Variants in ZNF195 observed in about 807,000 individuals in gnomAD.
The protein encoded by ZNF195 is hypoxia-regulated factor-1.
In ZNF195, 11 loss-of-function variants were observed where a neutral mutation model predicts 19.5. The ratio of observed to expected loss-of-function variants is 0.57; its 90% CI spans 0.36 to 0.94. The LOEUF (loss-of-function observed/expected upper bound fraction) is 0.94, where lower values mean the gene tolerates loss of function less well. Among genes scored for constraint, ZNF195 ranks in the 40% least tolerant of loss-of-function variants. The probability of loss-of-function intolerance (pLI) is 0.01; values close to 1 mark genes in which losing one functional copy is unlikely to be tolerated. For missense variants in ZNF195, 582 were observed against 709.0 expected, an observed-to-expected ratio of 0.82 and a Z score of 2.03; for synonymous variants, 214 against 248.1, an observed-to-expected ratio of 0.86 and a Z score of 1.29.
chr11:3,371,708 A>G lies in ZNF195; in HGVS notation c.4-5T>C. Reference sequence around the variant, plus strand: ...ATCCCTGAACGTCAACAGAGTCTGAAGAAGAAACAACAACAATAACAAATA... The same window carrying G: ...ATCCCTGAACGTCAACAGAGTCTGAGGAAGAAACAACAACAATAACAAATA... On this transcript the variant is annotated splice_polypyrimidine_tract_variant and splice_region_variant and intron_variant, in intron 1 of 5. Coordinates refer to ENST00000399602, the MANE Select transcript of ZNF195 (RefSeq NM_001130520.3). 1 of 1,591,044 alleles carries G rather than the reference A, an allele frequency of 6.3e-7. No individual in the cohort carries two copies. The highest frequency in any genetic ancestry group is 1.4e-5 in the African/African-American group (1 of 73,866).
At chr11:3,372,876 C>T (rs1849286143) in intron 1 of ZNF195, among the ~76,000 whole-genome samples, 1 of 152,228 alleles carries the variant, frequency 6.6e-6, no homozygotes, top group African/African-American at 2.4e-5. Flanking sequence ...GAACTACCCA[C>T]ATGTGCCACC....
chr11:3,379,115 G>T lies in ZNF195; in HGVS notation c.-75C>A, dbSNP rs950702767. The T allele has an allele frequency of 5.6e-6, 8 of 1,430,934 alleles. No homozygotes were observed. The African/African-American group carries it at 1.0e-4, about 18-fold the overall frequency. 88.6% of individuals were successfully genotyped at this position (1,430,934 alleles called of 1,614,324 possible). On this transcript the variant is annotated 5_prime_UTR_variant, in exon 1 of 6. Transcript: ENST00000399602. ...CTGCGGGTCACACGACCTACGGCTA[G>T]CAGGGGACACAGAGCCGCGGGGACA... is the stretch of plus-strand genomic sequence containing the variant.
At chr11:3,374,005 C>T (rs1003008374) in intron 1 of ZNF195, among the ~76,000 whole-genome samples, 5 of 152,214 alleles carry the variant, frequency 3.3e-5, no homozygotes, top group African/African-American at 1.2e-4. Flanking sequence ...CCCCCCATCA[C>T]TGATTCTGGC....
chr11:3,365,731 A>G (rs998856082), intron 3 of ZNF195, among the ~76,000 whole-genome samples: 1 of 152,212 alleles, frequency 6.6e-6, no homozygotes, highest in Non-Finnish European at 1.5e-5. Context: ...CTACGAAAAT[A>G]AAAACAATGT....
At chr11:3,368,830 C>T (rs1187656133) in intron 3 of ZNF195, 2 of 455,690 alleles carry the variant, frequency 4.4e-6, no homozygotes, top group Admixed American at 2.4e-5. Context: ...ACAATACAGA[C>T]AGTATAGTCT....
intron 3 of ZNF195, among the ~76,000 whole-genome samples, chr11:3,368,230 T>C (rs1002566562): frequency 3.9e-5 from 6 of 152,204 alleles, no homozygotes; most frequent in African/African-American, 1.2e-4. Context: ...GACAGTGACA[T>C]AGAAAAATGG....
Position 3,375,849 on chromosome 11 carries a change from G to A in ZNF195, c.3+3189C>T, listed in dbSNP as rs112445022. Among the ~76,000 whole-genome samples the A allele has an allele frequency of 4.6e-3, 693 of 152,228 alleles. 4 individuals are homozygous for A. Among genetic ancestry groups the A allele is most frequent in the African/African-American group, 0.016 (655 of 41,518 alleles). Reference sequence around the variant, plus strand: ...TCTACAACAGAAGCACAGATAGACCGTTTTGTCAGCCTGAGCCCCGTCTGC... The same window carrying A: ...TCTACAACAGAAGCACAGATAGACCATTTTGTCAGCCTGAGCCCCGTCTGC... On this transcript the variant is annotated intron_variant, in intron 1 of 5. Coordinates refer to ENST00000399602, the MANE Select transcript of ZNF195 (RefSeq NM_001130520.3).
Position 3,360,544 on chromosome 11 carries a change from T to C in ZNF195, c.464A>G (p.Gln155Arg), listed in dbSNP as rs761815959. ...TATGCCCTGCTCTGGCAGAAGGTCT[T>C]GGGTAAAATGAGAAGACATAGCTGA... Reference protein sequence around the residue: ...FSLAMSSHFTQDLLPEQGIQD... With the variant: ...FSLAMSSHFTRDLLPEQGIQD... The change falls in exon 6 of 6, where the codon CAA becomes CGA. Residue 155 changes from glutamine (Q) to arginine (R), a missense_variant. By Grantham distance (43) the Gln-to-Arg change is conservative. Transcript: ENST00000399602. 2.5e-6 allele frequency: 4 copies of C among 1,577,448 alleles called. No individual in the cohort carries two copies. Among genetic ancestry groups the C allele is most frequent in the Non-Finnish European group, 3.4e-6 (4 of 1,169,070 alleles).
At chr11:3,365,626 T>C (rs902359797) in intron 3 of ZNF195, among the ~76,000 whole-genome samples, 3 of 152,238 alleles carry the variant, frequency 2.0e-5, no homozygotes, top group African/African-American at 7.2e-5. Flanking sequence ...TTTGATTTTT[T>C]AATGCTAAAA....
At position 3,358,456 on chromosome 11, in the gene ZNF195, C is replaced by G. The variant is rs1848480083; in HGVS notation, c.*662G>C. 1 of 152,226 alleles carries G rather than the reference C, an allele frequency of 6.6e-6. No homozygotes were observed. The highest frequency in any genetic ancestry group is 1.5e-5 in the Non-Finnish European group (1 of 68,036). The allele number at this position is 152,226 out of a possible 1,614,324, so 9.4% of individuals were successfully genotyped here. A position where few individuals can be genotyped will look rare whatever the true frequency, so the allele number is the denominator to read the frequency against. ...TTTCACCTTTCACGGACAAGTATAT[C>G]AGTGATGCACACCTAAGAGAAAAGA... is the stretch of plus-strand genomic sequence containing the variant. On this transcript the variant is annotated 3_prime_UTR_variant, in exon 6 of 6. Coordinates refer to ENST00000399602, the MANE Select transcript of ZNF195 (RefSeq NM_001130520.3).
chr11:3,368,419 G>A (rs1161230473), intron 3 of ZNF195, among the ~76,000 whole-genome samples: 1 of 152,198 alleles, frequency 6.6e-6, no homozygotes, highest in Admixed American at 6.5e-5. Flanking sequence ...ACCAGCCTGG[G>A]TGACACAGAG....
In ZNF195 at chr11:3,361,732, T is replaced by G; in HGVS notation, c.373+11A>C. On this transcript the variant is annotated intron_variant, in intron 4 of 5. Coordinates refer to ENST00000399602, the MANE Select transcript of ZNF195 (RefSeq NM_001130520.3). The stretch of plus-strand genomic sequence containing the variant: ...AAGTGAAAAGCAAGGTACATGCTCT[T>G]AGGAGATTACCAGTGAATTTGTCCA... 1 of 1,302,156 alleles carries G rather than the reference T, an allele frequency of 7.7e-7. No individual in the cohort carries two copies. The highest frequency in any genetic ancestry group is 1.0e-6 in the Non-Finnish European group (1 of 987,900). The allele number at this position is 1,302,156 out of a possible 1,614,324, so 80.7% of individuals were successfully genotyped here. A position where few individuals can be genotyped will look rare whatever the true frequency, so the allele number is the denominator to read the frequency against.
chr11:3,369,740 A>G (rs185174428), intron 3 of ZNF195, among the ~76,000 whole-genome samples: 14 of 152,336 alleles, frequency 9.2e-5, no homozygotes, highest in Non-Finnish European at 7.3e-5. Flanking sequence ...AGTTGGGGAA[A>G]ATGAGCTGTT....
Position 3,360,490 on chromosome 11 carries a change from C to G in ZNF195, c.518G>C (p.Arg173Thr). 6.2e-7 allele frequency: 1 copy of G among 1,607,998 alleles called. No homozygotes were observed. The highest frequency in any genetic ancestry group is 1.1e-5 in the South Asian group (1 of 90,538). Residue 173 changes from arginine (R) to threonine (T), a missense_variant, in exon 6 of 6, where the codon AGA (arginine) becomes ACA (threonine). Physicochemically the swap from Arg to Thr is moderately conservative, Grantham distance 71. Coordinates refer to ENST00000399602, the MANE Select transcript of ZNF195 (RefSeq NM_001130520.3). ...IQDAFPKRIL[R>T]GYGNCGLDNL... is the part of the protein sequence containing the mutation. The stretch of plus-strand genomic sequence containing the variant: ...ATCAAGGCCACAATTTCCATATCCT[C>G]TCAGTATTCTTTTTGGGAATGCATC...
At chr11:3,362,666 A>T in intron 3 of ZNF195, 1 of 471,606 alleles carries the variant, frequency 2.1e-6, no homozygotes, top group East Asian at 3.1e-5. Flanking sequence ...TACAAGACAC[A>T]AAAAGGAAAG....
intron 3 of ZNF195, chr11:3,366,916 T>G: frequency 2.2e-6 from 1 of 454,038 alleles, no homozygotes; most frequent in South Asian, 1.6e-5. Context: ...AACACAAAAG[T>G]TAGCTGGGTG....
chr11:3,360,132 G>A lies in ZNF195; in HGVS notation c.876C>T (p.Asn292=). ...TGTAAGGTTTCTCTCCAGTGTCAAT[G>A]TTCTCAGGTTCAGTAAAGTGTGAGC... ...IQCSHFTEPE[N]IDTGEKPYKC... Residue 292 remains asparagine (N), a synonymous_variant, in exon 6 of 6, where the codon AAC becomes AAT. Coordinates refer to ENST00000399602, the MANE Select transcript of ZNF195 (RefSeq NM_001130520.3). 6.2e-7 allele frequency: 1 copy of A among 1,613,980 alleles called. No homozygotes were observed. Among genetic ancestry groups the A allele is most frequent in the African/African-American group, 1.3e-5 (1 of 75,000 alleles).
intron 3 of ZNF195, among the ~76,000 whole-genome samples, chr11:3,363,957 C>T (rs936729681): frequency 2.0e-5 from 3 of 151,840 alleles, no homozygotes; most frequent in Non-Finnish European, 4.4e-5. Flanking sequence ...AGAAGTCTTA[C>T]AAAAAATACA....
chr11:3,359,064 G>A lies in ZNF195; in HGVS notation c.*54C>T, dbSNP rs1479563833. On this transcript the variant is annotated 3_prime_UTR_variant, in exon 6 of 6. Transcript: ENST00000399602. The surrounding 1 kb of genome is among the most constrained non-coding windows in gnomAD (Gnocchi z 5.5). ...AAGTCTGAACTCTGATGTAAAGTGGGATGCGAGCAGATACTAACGGCTTTG... is the reference window on the plus strand; with the variant it reads ...AAGTCTGAACTCTGATGTAAAGTGGAATGCGAGCAGATACTAACGGCTTTG... 1.3e-6 allele frequency: 2 copies of A among 1,490,954 alleles called. No individual in the cohort carries two copies. Among genetic ancestry groups the A allele is most frequent in the East Asian group, 2.3e-5 (1 of 43,758 alleles). 92.4% of individuals were successfully genotyped at this position (1,490,954 alleles called of 1,614,324 possible).
Sources: allele counts gnomAD v4.1 joint callset (sites outside exome capture counted in the v4.1 genomes callset), GRCh38; gene constraint gnomAD v4.1.1; non-coding constraint Gnocchi (gnomAD v3.1); transcripts MANE v1.5; gene names NCBI Gene and HGNC (gene_info 2026-07-23, HGNC 2026-07-21).